Variants in FBLN7 observed in about 807,000 individuals in gnomAD.
The protein encoded by FBLN7 is fibulin-7.
In FBLN7, 31 loss-of-function variants were observed where a neutral mutation model predicts 44.0. That is an observed-to-expected ratio of 0.70 (90% CI 0.53 to 0.95). FBLN7 has a LOEUF of 0.95. FBLN7 is among the 40% of genes least tolerant of loss of function. The pLI is 0.00. For synonymous variants in FBLN7, 262 were observed against 253.4 expected (o/e 1.03, Z -0.32); for missense variants, 573 against 618.5 (o/e 0.93, Z 0.78).
rs536232013 is a variant in FBLN7, at chr2:112,187,205, A to G, written c.1019A>G (p.His340Arg). ...CRHLPKTISF[H>R]YLSLPSNLKT... ...CATCTGCCCAAGACCATCTCCTTCC[A>G]TTACCTCTCTCTGCCTTCCAACCTG... Residue 340 changes from histidine (H) to arginine (R), a missense_variant, in exon 8 of 8, where the codon CAT becomes CGT. Physicochemically the swap from His to Arg is conservative, Grantham distance 29. Transcript: ENST00000331203. This position sits in a 1 kb window ranked among gnomAD's most constrained non-coding sequence, Gnocchi z 5.1. The G allele has an allele frequency of 5.0e-6, 8 of 1,613,548 alleles. No individual in the cohort carries two copies. The Admixed American group carries it at 1.2e-4, about 24-fold the overall frequency.
the FBLN7 span, among the ~76,000 whole-genome samples, chr2:112,196,347 C>T: frequency 3.5e-3 from 536 of 151,208 alleles, 4 homozygotes; most frequent in African/African-American, 0.012. Context: ...CTTACCCTTC[C>T]CCCAAAATTA....
chr2:112,156,492 T>C (rs928977602), intron 1 of FBLN7, among the ~76,000 whole-genome samples: 2 of 152,212 alleles, frequency 1.3e-5, no homozygotes, highest in African/African-American at 4.8e-5. Flanking sequence ...AATTGACATA[T>C]AAACCATGAA....
chr2:112,230,992 AT>A, the FBLN7 span: 1 of 1,155,684 alleles, frequency 8.7e-7, no homozygotes, highest in Middle Eastern at 2.9e-4. Context: ...TTATGCATTC[AT>A]GTGTAATTCA....
intron 1 of FBLN7, among the ~76,000 whole-genome samples, chr2:112,141,301 C>T (rs537867170): frequency 6.6e-5 from 10 of 152,174 alleles, no homozygotes; most frequent in Non-Finnish European, 1.5e-4. Flanking sequence ...CAGAAATGAG[C>T]GGAATAAACC....
chr2:112,141,872 G>A (rs556256284), intron 1 of FBLN7, among the ~76,000 whole-genome samples: 1 of 152,328 alleles, frequency 6.6e-6, no homozygotes, highest in African/African-American at 2.4e-5. Flanking sequence ...AGCTGCTGCA[G>A]AGGCAAAGTG....
At chr2:112,185,107 A>T (rs892881265) in intron 6 of FBLN7, 94 bp from the exon 7 acceptor site, 79 of 1,502,638 alleles carry the variant, frequency 5.3e-5, no homozygotes, top group Admixed American at 2.4e-4. Context: ...AGGGAGCACC[A>T]CATTACAGGA....
intron 4 of FBLN7, chr2:112,177,738 C>T (rs1182362925): frequency 6.6e-6 from 1 of 152,168 alleles, no homozygotes; most frequent in Non-Finnish European, 1.5e-5. Flanking sequence ...ATTCATTCTT[C>T]TTTCTGTCTC....
At chr2:112,234,195 T>G in the FBLN7 span, 4 of 1,610,168 alleles carry the variant, frequency 2.5e-6, no homozygotes, top group Non-Finnish European at 3.4e-6. Context: ...GGTTGATGAA[T>G]GCCTGACTCA....
the FBLN7 span, among the ~76,000 whole-genome samples, chr2:112,244,230 AAC>A: frequency 6.6e-6 from 1 of 152,162 alleles, no homozygotes; most frequent in Non-Finnish European, 1.5e-5. Flanking sequence ...TCACCTTTGT[AAC>A]ACTGGATAGT....
the FBLN7 span, among the ~76,000 whole-genome samples, chr2:112,217,180 C>T: frequency 1.7e-3 from 265 of 152,104 alleles, 1 homozygote; most frequent in African/African-American, 6.3e-3. Context: ...ACCAGCCTGG[C>T]CAACATGGTG....
At chr2:112,224,069 G>A in the FBLN7 span, among the ~76,000 whole-genome samples, 1 of 152,118 alleles carries the variant, frequency 6.6e-6, no homozygotes, top group Non-Finnish European at 1.5e-5. Context: ...AGCCTGGGAG[G>A]CAGAGGTTGT....
chr2:112,165,169 G>T lies in FBLN7; in HGVS notation c.404G>T (p.Arg135Ile). The stretch of plus-strand genomic sequence containing the variant: ...TGGACAGGGGAGCAGCCCCACTGTA[G>T]AGGTATCGTCTCTCCTTCCCATCCC... The part of the protein sequence containing the change: ...GTWTGEQPHC[R>I]GISECSSQPC... Residue 135 changes from arginine to isoleucine, a missense_variant and splice_region_variant, in exon 3 of 8, where the codon AGA becomes ATA. Coordinates refer to ENST00000331203, the MANE Select transcript of FBLN7 (RefSeq NM_153214.3). 2 of 1,614,062 alleles carry T rather than the reference G, an allele frequency of 1.2e-6. No individual in the cohort carries two copies. The highest frequency in any genetic ancestry group is 1.6e-4 in the Middle Eastern group (1 of 6,062).
chr2:112,142,371 T>G (rs952103049), intron 1 of FBLN7, among the ~76,000 whole-genome samples: 2 of 152,204 alleles, frequency 1.3e-5, no homozygotes, highest in Admixed American at 6.5e-5. Context: ...TGATATATTT[T>G]GGTAGGTTTC....
At chr2:112,185,362 C>T (rs772394326) in intron 7 of FBLN7, 23 bp downstream of exon 7, 22 of 1,603,166 alleles carry the variant, frequency 1.4e-5, no homozygotes, top group Admixed American at 1.2e-4. Context: ...AGGGGAGGCA[C>T]ACCCTCACCC....
At chr2:112,215,633 TA>T in the FBLN7 span, 3 of 152,322 alleles carry the variant, frequency 2.0e-5, no homozygotes, top group East Asian at 5.8e-4. Flanking sequence ...CATTTCATGG[TA>T]TTTGTCTAAT....
chr2:112,169,597 C>A (rs1290022858), intron 3 of FBLN7, among the ~76,000 whole-genome samples: 1 of 151,798 alleles, frequency 6.6e-6, no homozygotes, highest in Non-Finnish European at 1.5e-5. Context: ...TATTTTTAAC[C>A]TTCATTCTTT....
the FBLN7 span, among the ~76,000 whole-genome samples, chr2:112,209,828 A>C: frequency 6.7e-6 from 1 of 150,358 alleles, no homozygotes; most frequent in Non-Finnish European, 1.5e-5. Context: ...AGAGTGGCCC[A>C]AAAAAGGGTG....
At chr2:112,226,497 G>A in the FBLN7 span, among the ~76,000 whole-genome samples, 103 of 149,898 alleles carry the variant, frequency 6.9e-4, no homozygotes, top group African/African-American at 2.2e-3. Context: ...GCTGAGGCAG[G>A]AGAATGGTGT....
chr2:112,215,161 C>A, the FBLN7 span: 1 of 152,092 alleles, frequency 6.6e-6, no homozygotes, highest in Non-Finnish European at 1.5e-5. Context: ...CAAGTATTGA[C>A]AAGGCTCATG....
Sources: allele counts gnomAD v4.1 joint callset (sites outside exome capture counted in the v4.1 genomes callset), GRCh38; gene constraint gnomAD v4.1.1; non-coding constraint Gnocchi (gnomAD v3.1); transcripts MANE v1.5; gene names NCBI Gene and HGNC (gene_info 2026-07-23, HGNC 2026-07-21).